GPLD1: variants seen among roughly 807,000 people sequenced by gnomAD.
GPLD1 encodes glycosylphosphatidylinositol specific phospholipase D1, also known as phosphatidylinositol-glycan-specific phospholipase D.
Under a neutral mutation model 112.6 loss-of-function variants are expected in GPLD1, and 84 were observed. That is an observed-to-expected ratio of 0.75 (90% confidence interval 0.63 to 0.89). GPLD1 has a LOEUF of 0.89. Among genes scored for constraint, GPLD1 ranks in the 40% least tolerant of loss-of-function variants. The probability of loss-of-function intolerance (pLI) is 0.00; values close to 1 mark genes in which losing one functional copy is unlikely to be tolerated. For missense variants in GPLD1, 1,044 were observed against 1,051.5 expected, an observed-to-expected ratio of 0.99 and a Z score of 0.10; for synonymous variants, 386 against 403.8, an observed-to-expected ratio of 0.96 and a Z score of 0.53.
chr6:24,466,971 T>C, intron 8 of GPLD1, 32 bp from the exon 9 acceptor site: 1 of 1,586,302 alleles, frequency 6.3e-7, no homozygotes, highest in South Asian at 1.1e-5. Context: ...TGGCTGTGAG[T>C]TGCAGTTTGT....
chr6:24,467,947 C>T (rs1763672063), intron 7 of GPLD1, among the ~76,000 whole-genome samples: 2 of 151,816 alleles, frequency 1.3e-5, no homozygotes, highest in South Asian at 4.1e-4. Context: ...GCTCTTGTTG[C>T]CCAGGCTGGA....
intron 3 of GPLD1, among the ~76,000 whole-genome samples, chr6:24,478,325 T>A (rs1048444766): frequency 6.6e-6 from 1 of 152,162 alleles, no homozygotes; most frequent in Non-Finnish European, 1.5e-5. Flanking sequence ...CAAAACTCCT[T>A]ATAAATATGA....
chr6:24,466,848 T>C (rs922279492), intron 9 of GPLD1, 29 bp from the exon 10 acceptor site: 2 of 1,601,222 alleles, frequency 1.2e-6, no homozygotes, highest in South Asian at 1.1e-5. Flanking sequence ...AAAAATAAAA[T>C]GAATATGGTA....
At chr6:24,477,776 C>A (rs571884845) in intron 3 of GPLD1, among the ~76,000 whole-genome samples, 1 of 152,010 alleles carries the variant, frequency 6.6e-6, no homozygotes, top group Admixed American at 6.6e-5. Flanking sequence ...TTTTCTTTGG[C>A]AATTAAGTAT....
chr6:24,447,671 C>T (rs1762953009), intron 17 of GPLD1, among the ~76,000 whole-genome samples: 1 of 152,180 alleles, frequency 6.6e-6, no homozygotes, highest in Non-Finnish European at 1.5e-5. Context: ...CTTTGGCTCT[C>T]TACCTAGAAA....
chr6:24,474,129 A>C (rs1763923383), intron 5 of GPLD1, among the ~76,000 whole-genome samples: 2 of 139,214 alleles, frequency 1.4e-5, no homozygotes, highest in African/African-American at 6.1e-5. Flanking sequence ...TCCATCTCAA[A>C]AACAAACAAA....
chr6:24,451,277 C>A (rs148221039), intron 14 of GPLD1, among the ~76,000 whole-genome samples: 5 of 152,204 alleles, frequency 3.3e-5, no homozygotes, highest in Non-Finnish European at 5.9e-5. Flanking sequence ...CTTATCCTAC[C>A]GTCTGGAATC....
intron 10 of GPLD1, among the ~76,000 whole-genome samples, chr6:24,464,286 A>C (rs1379649277): frequency 6.6e-6 from 1 of 152,204 alleles, no homozygotes; most frequent in Admixed American, 6.5e-5. Context: ...AGGTGAGGAA[A>C]TAAGATTTTG....
chr6:24,432,247 TA>T (rs71002493), intron 24 of GPLD1, among the ~76,000 whole-genome samples: 120 of 90,772 alleles, frequency 1.3e-3, no homozygotes, highest in African/African-American at 1.9e-3. Context: ...GACTCTGTCT[TA>T]AAAAAAAAAA....
intron 12 of GPLD1, among the ~76,000 whole-genome samples, chr6:24,457,821 T>G (rs1274585954): frequency 6.6e-6 from 1 of 150,928 alleles, no homozygotes; most frequent in Non-Finnish European, 1.5e-5. Context: ...TGCAGTGAGC[T>G]GAGATCGTGC....
At chr6:24,489,591 G>A (rs1394757254), upstream of GPLD1, 2 of 1,595,348 alleles carry the variant, frequency 1.3e-6, no homozygotes, top group Admixed American at 1.7e-5. Context: ...AAATCCAGGT[G>A]CAGACCCACC....
At chr6:24,438,583 G>A (rs969630556) in intron 20 of GPLD1, among the ~76,000 whole-genome samples, 3 of 152,198 alleles carry the variant, frequency 2.0e-5, no homozygotes, top group Non-Finnish European at 4.4e-5. Flanking sequence ...GGCAACAACA[G>A]TCAGATATAA....
intron 22 of GPLD1, among the ~76,000 whole-genome samples, chr6:24,436,251 G>C (rs971932386): frequency 1.3e-5 from 2 of 152,146 alleles, no homozygotes; most frequent in Non-Finnish European, 2.9e-5. Flanking sequence ...ACAGGAACCC[G>C]TCTCTATTTT....
intron 7 of GPLD1, among the ~76,000 whole-genome samples, chr6:24,468,397 A>T (rs1253335645): frequency 6.6e-6 from 1 of 152,200 alleles, no homozygotes; most frequent in Non-Finnish European, 1.5e-5. Flanking sequence ...AGACTACAGC[A>T]TAAGTGACAC....
chr6:24,470,189 G>A (rs979758137), intron 7 of GPLD1, among the ~76,000 whole-genome samples: 2 of 151,968 alleles, frequency 1.3e-5, no homozygotes, highest in African/African-American at 4.8e-5. Context: ...AAGCTGGAGC[G>A]CAGTGGCATG....
chr6:24,476,133 T>C (rs746945362), intron 4 of GPLD1, 48 bp downstream of exon 4: 6 of 1,013,248 alleles, frequency 5.9e-6, no homozygotes, highest in African/African-American at 3.2e-5. Flanking sequence ...ACACAGTGCA[T>C]GGCAGGTTTG....
In GPLD1 at chr6:24,428,487, T is replaced by C. The variant is rs1384033527; in HGVS notation, c.*545A>G. Reference sequence around the variant, plus strand: ...CTTACAAGTGAGAATATGGAGTGTTTGGTTTTCTGTTCCTGCAATAGTTTA... The same window carrying C: ...CTTACAAGTGAGAATATGGAGTGTTCGGTTTTCTGTTCCTGCAATAGTTTA... On this transcript the variant is annotated 3_prime_UTR_variant, in exon 25 of 25. Transcript: ENST00000230036. The C allele has an allele frequency of 2.0e-5, 3 of 152,358 alleles. No homozygotes were observed. Among genetic ancestry groups the C allele is most frequent in the African/African-American group, 7.2e-5 (3 of 41,584 alleles). The allele number at this position is 152,358 out of a possible 1,614,324, so 9.4% of individuals were successfully genotyped here. A position where few individuals can be genotyped will look rare whatever the true frequency, so the allele number is the denominator to read the frequency against.
rs1377480017 is a variant in GPLD1, at chr6:24,466,681, T to C, written c.820A>G (p.Ser274Gly). The change falls in exon 10 of 25, where the codon AGT (serine) becomes GGT (glycine). Residue 274 changes from serine to glycine, a missense_variant and splice_region_variant. Ser to Gly is a moderately conservative substitution (Grantham distance 56). Transcript: ENST00000230036. ...LTSFMLENGTSDCNLPENPLF... is the reference protein window; with the variant it reads ...LTSFMLENGTGDCNLPENPLF... ...AATAGAAATGCAATATGAATTCACC[T>C]GGTCCCATTCTCCAACATGAAGCTT... The C allele has an allele frequency of 6.2e-7, 1 of 1,611,936 alleles. No homozygotes were observed. Among genetic ancestry groups the C allele is most frequent in the South Asian group, 1.1e-5 (1 of 90,944 alleles).
At chr6:24,447,855 C>T in intron 17 of GPLD1, 22 bp downstream of exon 17, 1 of 1,612,526 alleles carries the variant, frequency 6.2e-7, no homozygotes, top group East Asian at 2.2e-5. Flanking sequence ...CATGGTCTCA[C>T]CCATTCCCCC....
Sources: allele counts gnomAD v4.1 joint callset (sites outside exome capture counted in the v4.1 genomes callset), GRCh38; gene constraint gnomAD v4.1.1; transcripts MANE v1.5; gene names NCBI Gene and HGNC (gene_info 2026-07-23, HGNC 2026-07-21).